TMEM131: variants seen among roughly 807,000 people sequenced by gnomAD.
TMEM131 encodes 2610524E03Rik.
A neutral mutation model predicts 211.6 loss-of-function variants in TMEM131; 66 were observed. The observed-to-expected ratio is 0.31, with a 90% CI of 0.26 to 0.38. TMEM131 has a LOEUF of 0.38. Among genes scored for constraint, TMEM131 ranks in the 10% least tolerant of loss-of-function variants. TMEM131 has a pLI of 1.00. For missense variants in TMEM131, 2,036 were observed against 2,299.3 expected (o/e 0.89, Z 2.34); for synonymous variants, 844 against 841.3 (o/e 1.00, Z -0.06).
At chr2:97,943,055 A>AAGAAAGAAAGAAAGAG in intron 1 of TMEM131, among the ~76,000 whole-genome samples, 1 of 81,524 alleles carries the variant, frequency 1.2e-5, no homozygotes, top group South Asian at 2.7e-4. Flanking sequence ...GAAAGAAAGA[A>AAGAAAGAAAGAAAGAG]AGAAAGAAAG....
intron 28 of TMEM131, 140 bp downstream of exon 28, chr2:97,796,078 T>C: frequency 1.9e-6 from 1 of 523,904 alleles, no homozygotes; most frequent in Non-Finnish European, 3.2e-6. Context: ...TATGAAGAAA[T>C]ACCTTAGCCA....
chr2:97,987,413 G>A (rs1220574464), intron 1 of TMEM131, among the ~76,000 whole-genome samples: 1 of 152,120 alleles, frequency 6.6e-6, no homozygotes, highest in Non-Finnish European at 1.5e-5. Context: ...TGAGGCAGGA[G>A]AATCGCTTGA....
chr2:97,864,722 C>A (rs1267387314), intron 4 of TMEM131, among the ~76,000 whole-genome samples: 6 of 152,158 alleles, frequency 3.9e-5, no homozygotes, highest in African/African-American at 1.4e-4. Flanking sequence ...CTTGGGAGAA[C>A]TGAAGGCTGC....
chr2:97,859,923 G>A (rs1210317726), intron 4 of TMEM131, among the ~76,000 whole-genome samples: 1 of 152,130 alleles, frequency 6.6e-6, no homozygotes, highest in Non-Finnish European at 1.5e-5. Context: ...ACTTGTCAAA[G>A]GCACACTTGG....
intron 35 of TMEM131, chr2:97,763,940 T>C (rs1427201673): frequency 6.6e-6 from 1 of 152,266 alleles, no homozygotes; most frequent in Non-Finnish European, 1.5e-5. Flanking sequence ...GTACACGAGC[T>C]GCAATTAGAG....
chr2:97,801,690 T>C (rs532783762), intron 25 of TMEM131, among the ~76,000 whole-genome samples: 15 of 152,204 alleles, frequency 9.9e-5, no homozygotes, highest in Non-Finnish European at 2.1e-4. Flanking sequence ...TACGAACCTT[T>C]TACTCAATGT....
At chr2:97,817,342 CTT>C (rs1218959458) in intron 12 of TMEM131, among the ~76,000 whole-genome samples, 1 of 152,176 alleles carries the variant, frequency 6.6e-6, no homozygotes, top group East Asian at 1.9e-4. Context: ...AATCCCAGCA[CTT>C]TGCCAGGCTG....
chr2:97,855,799 T>C (rs1407052523), intron 5 of TMEM131, among the ~76,000 whole-genome samples: 4 of 152,238 alleles, frequency 2.6e-5, no homozygotes, highest in Non-Finnish European at 5.9e-5. Flanking sequence ...CAGAGACCTA[T>C]TTCATTCTCT....
chr2:97,789,483 TA>T (rs1050783424), intron 31 of TMEM131, among the ~76,000 whole-genome samples: 45 of 152,328 alleles, frequency 3.0e-4, no homozygotes, highest in African/African-American at 9.6e-4. Context: ...CTCTTCACTT[TA>T]AAAATAACAA....
At chr2:97,827,328 A>G in intron 11 of TMEM131, 1 of 797,478 alleles carries the variant, frequency 1.3e-6, no homozygotes, top group East Asian at 2.4e-5. Context: ...TGTCAGCTAA[A>G]CCTCCTGCAA....
chr2:97,820,750 G>A (rs533811668), intron 11 of TMEM131, among the ~76,000 whole-genome samples: 45 of 152,066 alleles, frequency 3.0e-4, no homozygotes, highest in African/African-American at 8.9e-4. Context: ...CCAGCTACTC[G>A]GGAAGCTGAG....
intron 33 of TMEM131, among the ~76,000 whole-genome samples, chr2:97,768,407 G>T (rs888379455): frequency 6.6e-6 from 1 of 152,138 alleles, no homozygotes; most frequent in East Asian, 1.9e-4. Context: ...AGTGTGCGTG[G>T]GTAGCTATTT....
At chr2:97,934,677 T>C (rs1677367975) in intron 1 of TMEM131, among the ~76,000 whole-genome samples, 2 of 152,182 alleles carry the variant, frequency 1.3e-5, no homozygotes, top group African/African-American at 4.8e-5. Context: ...CATAAATCAC[T>C]TGCAGAGAGT....
intron 1 of TMEM131, among the ~76,000 whole-genome samples, chr2:97,994,395 A>G (rs1412906253): frequency 6.6e-6 from 1 of 152,250 alleles, no homozygotes; most frequent in Non-Finnish European, 1.5e-5. Flanking sequence ...ATGTGGACAA[A>G]AATAAAAGAA....
intron 1 of TMEM131, among the ~76,000 whole-genome samples, chr2:97,952,873 C>T (rs1418835855): frequency 6.6e-6 from 1 of 152,068 alleles, no homozygotes. Flanking sequence ...CAGAGTGAAA[C>T]CCTGTCTCAT....
At chr2:97,994,599 G>GT (rs1342598982) in intron 1 of TMEM131, among the ~76,000 whole-genome samples, 1,736 of 148,882 alleles carry the variant, frequency 0.012, 34 homozygotes, top group African/African-American at 0.039. Flanking sequence ...TGCGTGGTTT[G>GT]TTTTTTTTTT....
intron 2 of TMEM131, among the ~76,000 whole-genome samples, chr2:97,925,674 T>C (rs1247828387): frequency 6.6e-6 from 1 of 152,152 alleles, no homozygotes. Context: ...AGCAATTGAG[T>C]ACTACAGAAT....
chr2:97,932,079 T>A (rs962064403), intron 1 of TMEM131, among the ~76,000 whole-genome samples: 2 of 151,180 alleles, frequency 1.3e-5, no homozygotes, highest in South Asian at 4.2e-4. Flanking sequence ...GGGGCAGAGG[T>A]TGCAGTGGGC....
chr2:97,760,871 T>C lies in TMEM131; in HGVS notation c.4933A>G (p.Thr1645Ala), dbSNP rs765657191. ...KQPNGSKHKL[T>A]KAASLPGKNG... is the part of the protein sequence containing the mutation. The stretch of plus-strand genomic sequence containing the variant: ...TTGCCCGGGAGCGAGGCTGCCTTTG[T>C]CAACTTGTGTTTGCTTCCATTTGGC... The change falls in exon 37 of 41, where the codon ACA (threonine) becomes GCA (alanine). Residue 1645 changes from threonine to alanine, a missense_variant. This residue lies in a region of TMEM131 where 1,623 missense variants were observed against 1,805.9 expected (regional missense o/e 0.90). Coordinates refer to ENST00000186436, the MANE Select transcript of TMEM131 (RefSeq NM_015348.2). The C allele has an allele frequency of 5.0e-6, 8 of 1,614,028 alleles. No individual in the cohort carries two copies. In the Admixed American group the frequency reaches 1.2e-4, roughly 24 times the overall value.
Sources: gnomAD v4.1 joint callset for allele counts (sites outside exome capture counted in the v4.1 genomes callset) on GRCh38, gnomAD v4.1.1 for gene constraint, gnomAD v4.1.1 regional missense constraint, MANE v1.5 for transcripts, NCBI Gene and HGNC (gene_info 2026-07-23, HGNC 2026-07-21) for gene names.